The following SLC5A10 variants were observed in gnomAD, a reference collection of about 807,000 sequenced individuals.
SLC5A10 encodes solute carrier family 5 member 10.
A neutral mutation model predicts 68.9 loss-of-function variants in SLC5A10; 55 were observed. The ratio of observed to expected loss-of-function variants is 0.80; its 90% CI spans 0.64 to 1.00. SLC5A10 has a LOEUF of 1.00. Ranked by LOEUF, SLC5A10 falls within the 50% of genes least tolerant of loss-of-function variation. The pLI, the probability that SLC5A10 is intolerant of heterozygous loss-of-function variation, is 0.00. For synonymous variants in SLC5A10, 344 were observed against 344.8 expected (o/e 1.00, Z 0.02); for missense variants, 732 against 819.3 (o/e 0.89, Z 1.30).
intron 1 of SLC5A10, among the ~76,000 whole-genome samples, chr17:18,956,585 T>A (rs1031050349): frequency 3.4e-5 from 5 of 146,118 alleles, no homozygotes; most frequent in African/African-American, 1.3e-4. Context: ...CAAGTGATCC[T>A]CCCACCTCAG....
At chr17:18,972,734 C>T (rs1309761990) in intron 8 of SLC5A10, among the ~76,000 whole-genome samples, 2 of 152,000 alleles carry the variant, frequency 1.3e-5, no homozygotes, top group African/African-American at 4.8e-5. Context: ...CGGTGGCAGG[C>T]GCCTGTAGTC....
intron 5 of SLC5A10, among the ~76,000 whole-genome samples, chr17:18,967,740 T>C (rs2042740499): frequency 6.6e-6 from 1 of 152,202 alleles, no homozygotes; most frequent in Non-Finnish European, 1.5e-5. Context: ...GGGGCTGACT[T>C]TGGGGAAGTC....
intron 12 of SLC5A10, 36 bp downstream of exon 12, chr17:19,019,627 C>A (rs1336540056): frequency 1.2e-6 from 2 of 1,605,230 alleles, no homozygotes; most frequent in Admixed American, 3.3e-5. Context: ...TGGGGACGTG[C>A]CACAATTTGC....
At chr17:18,967,649 G>A (rs1298711305) in intron 5 of SLC5A10, among the ~76,000 whole-genome samples, 1 of 152,224 alleles carries the variant, frequency 6.6e-6, no homozygotes, top group Non-Finnish European at 1.5e-5. Context: ...CTTGCAGGCT[G>A]CCTGTGGTGG....
chr17:18,961,943 G>A (rs1040159730), intron 5 of SLC5A10, among the ~76,000 whole-genome samples: 77 of 152,298 alleles, frequency 5.1e-4, no homozygotes, highest in African/African-American at 1.4e-3. Flanking sequence ...CGCAGTCTTC[G>A]CCAGATGCCC....
intron 9 of SLC5A10, among the ~76,000 whole-genome samples, chr17:18,997,328 C>A (rs969418074): frequency 4.6e-5 from 7 of 152,218 alleles, no homozygotes; most frequent in African/African-American, 1.7e-4. Flanking sequence ...GGGGAAAGGC[C>A]ATGAGGTGAC....
chr17:19,022,060 T>C lies in SLC5A10; in HGVS notation c.*1629T>C. 1.3e-6 allele frequency: 2 copies of C among 1,595,640 alleles called. No homozygotes were observed. Among genetic ancestry groups the C allele is most frequent in the Non-Finnish European group, 1.7e-6 (2 of 1,171,986 alleles). On this transcript the variant is annotated 3_prime_UTR_variant, in exon 15 of 15. Transcript: ENST00000395645. The stretch of plus-strand genomic sequence containing the variant: ...GGGTCTGGGCGCTCCAGGACCTCAA[T>C]GATGTCGCCACGGCGGAAGCTGAGC...
chr17:18,960,934 C>T (rs960264445), intron 5 of SLC5A10, among the ~76,000 whole-genome samples: 13 of 152,258 alleles, frequency 8.5e-5, no homozygotes, highest in South Asian at 4.1e-4. Flanking sequence ...GGTGTTAGGA[C>T]GGTTCTCGGT....
intron 9 of SLC5A10, among the ~76,000 whole-genome samples, chr17:19,011,666 G>C (rs1266303171): frequency 6.6e-6 from 1 of 152,000 alleles, no homozygotes; most frequent in Non-Finnish European, 1.5e-5. Flanking sequence ...TATGAGCCTG[G>C]GGGGCTAATG....
intron 11 of SLC5A10, among the ~76,000 whole-genome samples, chr17:19,016,499 G>A (rs1039531032): frequency 2.6e-5 from 4 of 152,138 alleles, no homozygotes; most frequent in African/African-American, 7.2e-5. Flanking sequence ...GCACAACAGA[G>A]CACCCCCTGG....
In SLC5A10 at chr17:19,022,066, C is replaced by T. The variant is rs145838566; in HGVS notation, c.*1635C>T. ...GGGCGCTCCAGGACCTCAATGATGT[C>T]GCCACGGCGGAAGCTGAGCTGCGAG... On this transcript the variant is annotated 3_prime_UTR_variant, in exon 15 of 15. Transcript: ENST00000395645. 10 of 1,592,868 alleles carry T rather than the reference C, an allele frequency of 6.3e-6. No homozygotes were observed. Among genetic ancestry groups the T allele is most frequent in the East Asian group, 2.3e-5 (1 of 43,492 alleles).
Position 19,003,694 on chromosome 17 carries a change from G to A in SLC5A10, c.983-9716G>A, listed in dbSNP as rs955077630. The A allele has an allele frequency of 6.2e-7, 1 of 1,607,912 alleles. No individual in the cohort carries two copies. The highest frequency in any genetic ancestry group is 8.5e-7 in the Non-Finnish European group (1 of 1,177,172). On this transcript the variant is annotated intron_variant, in intron 9 of 14. Coordinates refer to ENST00000395645, the MANE Select transcript of SLC5A10 (RefSeq NM_001042450.4). This position sits in a 1 kb window ranked among gnomAD's most constrained non-coding sequence, Gnocchi z 4.5. ...CCGACTTCTGGGGCCAGTACTCCAGGGAGGGCAGCGGCTCGGCCTCGATGG... is the reference window on the plus strand; with the variant it reads ...CCGACTTCTGGGGCCAGTACTCCAGAGAGGGCAGCGGCTCGGCCTCGATGG...
intron 9 of SLC5A10, 68 bp from the exon 10 acceptor site, chr17:19,013,342 C>A: frequency 6.3e-7 from 1 of 1,591,494 alleles, no homozygotes; most frequent in Admixed American, 1.8e-5. Flanking sequence ...CTGCCCCCAG[C>A]CCTATCTTGC....
intron 9 of SLC5A10, chr17:18,977,499 G>A: frequency 7.6e-7 from 1 of 1,319,830 alleles, no homozygotes; most frequent in Non-Finnish European, 1.0e-6. Flanking sequence ...CAGGGACATG[G>A]TAGCCCAGAA....
rs1381190954 is a variant in SLC5A10 at position 19,000,574 on chromosome 17, T to G, written c.983-12836T>G. Among the ~76,000 whole-genome samples, 1 of 152,164 alleles carries G rather than the reference T, an allele frequency of 6.6e-6. No individual in the cohort carries two copies. The stretch of plus-strand genomic sequence containing the variant: ...TGCGTCACTTCCCTGCCCCAGGGTC[T>G]GCCTGTTGTGCTGACGACAGGTAAG... On this transcript the variant is annotated intron_variant, in intron 9 of 14. Transcript: ENST00000395645. The surrounding 1 kb of genome is among the most constrained non-coding windows in gnomAD (Gnocchi z 5.2).
rs745768633 is a variant in SLC5A10 at position 18,971,572 on chromosome 17, G to A, written c.846+354G>A. ...TTGGGCTGCCGGGATCCGGAAGCAG[G>A]CGGGGTACCTGACCTCCCTTGGCCT... is the stretch of plus-strand genomic sequence containing the variant. On this transcript the variant is annotated intron_variant, in intron 8 of 14. Transcript: ENST00000395645. The surrounding 1 kb of genome is among the most constrained non-coding windows in gnomAD (Gnocchi z 5.5). 1 of 1,613,770 alleles carries A rather than the reference G, an allele frequency of 6.2e-7. No homozygotes were observed. Among genetic ancestry groups the A allele is most frequent in the South Asian group, 1.1e-5 (1 of 91,078 alleles).
Position 18,952,223 on chromosome 17 carries a change from CA to C in SLC5A10, c.19del (p.Ser7AlafsTer10), listed in dbSNP as rs780950637. On this transcript the variant is annotated frameshift_variant, in exon 1 of 15. Transcript: ENST00000395645. LOFTEE classifies it high-confidence loss of function. Reference sequence around the variant, plus strand: ...GGACAGCCATGGCCGCCAACTCCACCAGCGACCTCCACACTCCCGGGACGCA... The same window carrying C: ...GGACAGCCATGGCCGCCAACTCCACCGCGACCTCCACACTCCCGGGACGCA... MAANST[S>X]DLHTPGTQLS... is the part of the protein sequence containing the mutation. The C allele has an allele frequency of 1.8e-4, 288 of 1,613,372 alleles. No individual in the cohort carries two copies. Among genetic ancestry groups the C allele is most frequent in the Non-Finnish European group, 2.3e-4 (271 of 1,179,780 alleles).
At position 19,019,508 on chromosome 17, in the gene SLC5A10, A is replaced by G. The variant is rs1163684405; in HGVS notation, c.1327A>G (p.Met443Val). 6.2e-7 allele frequency: 1 copy of G among 1,612,540 alleles called. No individual in the cohort carries two copies. Among genetic ancestry groups the G allele is most frequent in the Non-Finnish European group, 8.5e-7 (1 of 1,179,940 alleles). ...CAACAGCGGGCAACTCTTCATCTAC[A>G]TGCAGTCAGTGACCAGCTCCCTGGC... ...DSNSGQLFIY[M>V]QSVTSSLAPP... The change falls in exon 12 of 15, where the codon ATG becomes GTG. Residue 443 changes from methionine to valine, a missense_variant. Met to Val is a conservative substitution (Grantham distance 21). Transcript: ENST00000395645.
intron 5 of SLC5A10, among the ~76,000 whole-genome samples, chr17:18,962,639 G>C (rs542741945): frequency 1.2e-3 from 190 of 152,246 alleles, no homozygotes; most frequent in Middle Eastern, 3.4e-3. Context: ...CAGGTGGAGC[G>C]GGGGTGGTGT....
Sources: gnomAD v4.1 joint callset for allele counts (sites outside exome capture counted in the v4.1 genomes callset) on GRCh38, gnomAD v4.1.1 for gene constraint, Gnocchi (gnomAD v3.1) non-coding constraint, MANE v1.5 for transcripts, NCBI Gene and HGNC (gene_info 2026-07-23, HGNC 2026-07-21) for gene names.